The following CCDC50 variants were observed in gnomAD, a reference collection of about 807,000 sequenced individuals.
CCDC50 encodes coiled-coil domain containing 50.
CCDC50 carries 54 observed loss-of-function variants against 70.2 expected under a neutral mutation model. The observed-to-expected ratio is 0.77, with a 90% CI of 0.62 to 0.96. The LOEUF (loss-of-function observed/expected upper bound fraction) is 0.96, where lower values mean the gene tolerates loss of function less well. Ranked by LOEUF, CCDC50 falls within the 50% of genes least tolerant of loss-of-function variation. The pLI is 0.00. For missense variants in CCDC50, 558 were observed against 578.7 expected (o/e 0.96, Z 0.37); for synonymous variants, 216 against 198.8 (o/e 1.09, Z -0.73).
At chr3:191,385,460 G>A (rs1713455406) in intron 10 of CCDC50, among the ~76,000 whole-genome samples, 1 of 152,064 alleles carries the variant, frequency 6.6e-6, no homozygotes, top group South Asian at 2.1e-4. Context: ...TTTCTTTTGA[G>A]AAGTGTCTGT....
intron 5 of CCDC50, among the ~76,000 whole-genome samples, chr3:191,370,956 G>A (rs995721069): frequency 2.0e-5 from 3 of 152,076 alleles, no homozygotes; most frequent in African/African-American, 7.2e-5. Context: ...TGAGTCTCTG[G>A]ACTTAACCTT....
chr3:191,337,221 CT>C (rs1711553201), intron 1 of CCDC50, among the ~76,000 whole-genome samples: 1 of 151,286 alleles, frequency 6.6e-6, no homozygotes, highest in Non-Finnish European at 1.5e-5. Context: ...TTTTAAAAAA[CT>C]TTGTTATTTA....
At chr3:191,352,972 T>A (rs540161670) in intron 1 of CCDC50, among the ~76,000 whole-genome samples, 2 of 142,186 alleles carry the variant, frequency 1.4e-5, no homozygotes, top group East Asian at 1.9e-4. Context: ...TTATTTTTTT[T>A]TTTTTAACTT....
At chr3:191,390,874 T>A (rs965908498) in intron 11 of CCDC50, among the ~76,000 whole-genome samples, 1 of 152,214 alleles carries the variant, frequency 6.6e-6, no homozygotes, top group South Asian at 2.1e-4. Context: ...CTATTAAAGA[T>A]GGAGTCTCTC....
chr3:191,378,533 T>TA (rs1713195096), intron 6 of CCDC50, among the ~76,000 whole-genome samples: 1 of 112,498 alleles, frequency 8.9e-6, no homozygotes, highest in South Asian at 2.7e-4. Flanking sequence ...TTGGGCTGCT[T>TA]ATTGAAGTAT....
chr3:191,332,386 G>T (rs1718019854), intron 1 of CCDC50, among the ~76,000 whole-genome samples: 1 of 152,158 alleles, frequency 6.6e-6, no homozygotes, highest in African/African-American at 2.4e-5. Context: ...TCATATGTAG[G>T]TGAAAAGAAT....
intron 1 of CCDC50, among the ~76,000 whole-genome samples, chr3:191,348,971 A>G (rs1324021465): frequency 2.1e-5 from 3 of 142,098 alleles, no homozygotes; most frequent in Non-Finnish European, 4.8e-5. Flanking sequence ...GTGATCAGCA[A>G]CTCAGAACTA....
chr3:191,357,993 T>C lies in CCDC50; in HGVS notation c.113-5T>C. On this transcript the variant is annotated splice_polypyrimidine_tract_variant and splice_region_variant and intron_variant, in intron 2 of 11. Transcript: ENST00000392455. The stretch of plus-strand genomic sequence containing the variant: ...TCATTCCTGTCCTCAATCTTTTTGT[T>C]CCAGTTGAGCATCATTTGGCATCGA... 2 of 1,613,970 alleles carry C rather than the reference T, an allele frequency of 1.2e-6. No homozygotes were observed. Among genetic ancestry groups the C allele is most frequent in the Non-Finnish European group, 1.7e-6 (2 of 1,179,854 alleles).
At chr3:191,343,329 A>T (rs1220613587) in intron 1 of CCDC50, among the ~76,000 whole-genome samples, 3 of 152,246 alleles carry the variant, frequency 2.0e-5, no homozygotes, top group Non-Finnish European at 4.4e-5. Context: ...GAATCAAAGT[A>T]AGAGTTCTCT....
intron 3 of CCDC50, among the ~76,000 whole-genome samples, chr3:191,360,576 A>G (rs1409450206): frequency 1.3e-5 from 2 of 152,236 alleles, no homozygotes; most frequent in Admixed American, 6.5e-5. Context: ...AAATATAAAT[A>G]GCAATTGGTC....
chr3:191,365,615 T>C (rs1712657946), intron 4 of CCDC50, among the ~76,000 whole-genome samples: 1 of 152,194 alleles, frequency 6.6e-6, no homozygotes, highest in Non-Finnish European at 1.5e-5. Flanking sequence ...CCGAGTTAGA[T>C]GTTAATATGT....
At chr3:191,356,321 T>G (rs1367620843) in intron 1 of CCDC50, among the ~76,000 whole-genome samples, 2 of 152,196 alleles carry the variant, frequency 1.3e-5, no homozygotes, top group Non-Finnish European at 2.9e-5. Context: ...CAAGACCATT[T>G]CTTCCCATTT....
At chr3:191,339,655 G>C (rs958982505) in intron 1 of CCDC50, among the ~76,000 whole-genome samples, 4 of 152,194 alleles carry the variant, frequency 2.6e-5, no homozygotes, top group Admixed American at 2.6e-4. Flanking sequence ...AATATGGAAA[G>C]TGTTGACTTT....
rs2108622003 is a variant in CCDC50, at chr3:191,329,575, T to A, written c.-100T>A. On this transcript the variant is annotated 5_prime_UTR_variant, in exon 1 of 12. Transcript: ENST00000392455. ...CCTGCGAGCCCTGCCGGCCGGACTT[T>A]GCGCCGCGTCCGGCGCTGCTGCTGC... 1 of 1,286,402 alleles carries A rather than the reference T, an allele frequency of 7.8e-7. No homozygotes were observed. Among genetic ancestry groups the A allele is most frequent in the South Asian group, 1.4e-5 (1 of 72,706 alleles). 79.7% of individuals were successfully genotyped at this position (1,286,402 alleles called of 1,614,324 possible).
At position 191,332,260 on chromosome 3, in the gene CCDC50, C is replaced by CA. The variant is rs1369259610; in HGVS notation, c.49+2542dup. Reference sequence around the variant, plus strand: ...TTGCTTACTTAGTTTTTAAGGAAGTCAAAAATATTCATCATTTGGACAGAC... The same window carrying CA: ...TTGCTTACTTAGTTTTTAAGGAAGTCAAAAAATATTCATCATTTGGACAGAC... On this transcript the variant is annotated intron_variant, in intron 1 of 11. Transcript: ENST00000392455. Among the ~76,000 whole-genome samples the CA allele has an allele frequency of 4.6e-5, 7 of 152,156 alleles. No homozygotes were observed. In the East Asian group the frequency reaches 1.4e-3, roughly 29 times the overall value.
At position 191,395,368 on chromosome 3, in the gene CCDC50, G is replaced by C. The variant is rs1713829039; in HGVS notation, c.*3608G>C. ...TCAAAACTTGTCTAAAATTTGTGTT[G>C]TGCCAAATTGGAAATACCCACTATA... On this transcript the variant is annotated 3_prime_UTR_variant, in exon 12 of 12. Transcript: ENST00000392455. 6.6e-6 allele frequency: 1 copy of C among 152,040 alleles called. No homozygotes were observed. The highest frequency in any genetic ancestry group is 1.5e-5 in the Non-Finnish European group (1 of 67,988). 9.4% of individuals were successfully genotyped at this position (152,040 alleles called of 1,614,324 possible). A position where few individuals can be genotyped will look rare whatever the true frequency, so the allele number is the denominator to read the frequency against.
At chr3:191,341,243 A>G (rs142986431) in intron 1 of CCDC50, among the ~76,000 whole-genome samples, 107 of 152,312 alleles carry the variant, frequency 7.0e-4, no homozygotes, top group African/African-American at 2.4e-3. Flanking sequence ...ATAAGAATTT[A>G]TTAACTTTAA....
intron 1 of CCDC50, among the ~76,000 whole-genome samples, chr3:191,334,153 T>G (rs1195323086): frequency 6.6e-6 from 1 of 152,116 alleles, no homozygotes; most frequent in Non-Finnish European, 1.5e-5. Flanking sequence ...GTGTGCCACA[T>G]GTTGTGTTGA....
intron 7 of CCDC50, 77 bp downstream of exon 7, chr3:191,380,351 T>C: frequency 1.1e-6 from 1 of 882,512 alleles, no homozygotes; most frequent in South Asian, 1.4e-5. Flanking sequence ...CTTGAAATTA[T>C]ATTAATAGTC....
Sources: allele counts gnomAD v4.1 joint callset (sites outside exome capture counted in the v4.1 genomes callset), GRCh38; gene constraint gnomAD v4.1.1; transcripts MANE v1.5; gene names NCBI Gene and HGNC (gene_info 2026-07-23, HGNC 2026-07-21).